ANO10: variants seen among roughly 807,000 people sequenced by gnomAD.
The protein encoded by ANO10 is anoctamin-10.
Under a neutral mutation model 74.7 loss-of-function variants are expected in ANO10, and 77 were observed. The observed-to-expected ratio is 1.03, with a 90% confidence interval of 0.86 to 1.25. ANO10 has a LOEUF of 1.25. Ranked by LOEUF, ANO10 falls within the 50% of genes most tolerant of loss-of-function variation. The pLI, the probability that ANO10 is intolerant of heterozygous loss-of-function variation, is 0.00. For missense variants in ANO10, 721 were observed against 778.1 expected, an observed-to-expected ratio of 0.93 and a Z score of 0.87; for synonymous variants, 279 against 284.9, an observed-to-expected ratio of 0.98 and a Z score of 0.21.
chr3:43,656,843 C>T (rs2083860971), intron 1 of ANO10, among the ~76,000 whole-genome samples: 1 of 152,244 alleles, frequency 6.6e-6, no homozygotes, highest in South Asian at 2.1e-4. Context: ...GGAGTGGGCT[C>T]CGGCCTTGGC....
At chr3:43,632,136 G>T (rs551757516) in intron 1 of ANO10, among the ~76,000 whole-genome samples, 4 of 151,884 alleles carry the variant, frequency 2.6e-5, no homozygotes, top group African/African-American at 9.7e-5. Context: ...ATATGATACA[G>T]AGTTCAGTAC....
intron 12 of ANO10, among the ~76,000 whole-genome samples, chr3:43,394,435 AC>A (rs1470694161): frequency 4.6e-5 from 7 of 151,974 alleles, no homozygotes; most frequent in Non-Finnish European, 1.0e-4. Context: ...TCACCTCTTG[AC>A]CCTAAGCCTC....
intron 4 of ANO10, among the ~76,000 whole-genome samples, chr3:43,582,928 T>A (rs574012456): frequency 6.6e-6 from 1 of 152,362 alleles, no homozygotes; most frequent in Admixed American, 6.5e-5. Context: ...TATTTGGGGA[T>A]GTACAGGCTA....
intron 12 of ANO10, among the ~76,000 whole-genome samples, chr3:43,402,618 C>A (rs1358931129): frequency 6.6e-6 from 1 of 152,068 alleles, no homozygotes; most frequent in Non-Finnish European, 1.5e-5. Context: ...GAATCCTGGT[C>A]TTTTCCCAGG....
intron 1 of ANO10, among the ~76,000 whole-genome samples, chr3:43,614,331 C>T (rs1289580780): frequency 6.6e-6 from 1 of 152,130 alleles, no homozygotes; most frequent in African/African-American, 2.4e-5. Context: ...ATTTGAGATA[C>T]TTTATGCCTT....
chr3:43,502,008 A>G (rs541377872), intron 11 of ANO10, among the ~76,000 whole-genome samples: 18 of 152,238 alleles, frequency 1.2e-4, no homozygotes, highest in Non-Finnish European at 2.5e-4. Flanking sequence ...ACCAGAAAAT[A>G]ACAAGTGTTG....
At chr3:43,680,640 CA>C (rs1186206412) in intron 1 of ANO10, among the ~76,000 whole-genome samples, 1 of 152,062 alleles carries the variant, frequency 6.6e-6, no homozygotes, top group Non-Finnish European at 1.5e-5. Flanking sequence ...TCACATTCAC[CA>C]AAGTCGAAAT....
At chr3:43,653,769 C>G (rs2096317467) in intron 1 of ANO10, among the ~76,000 whole-genome samples, 2 of 152,174 alleles carry the variant, frequency 1.3e-5, no homozygotes, top group African/African-American at 4.8e-5. Context: ...CATCTGTTCT[C>G]TCTTTCCGCA....
At chr3:43,612,656 A>G (rs2082886402) in intron 1 of ANO10, among the ~76,000 whole-genome samples, 2 of 152,250 alleles carry the variant, frequency 1.3e-5, no homozygotes, top group African/African-American at 2.4e-5. Context: ...TAATGACTCC[A>G]AAGTATAAAG....
rs114515292 is a variant in ANO10 at position 43,554,976 on chromosome 3, A to G, written c.1668+302T>C. 7.7e-3 allele frequency among the ~76,000 whole-genome samples: 1,175 copies of G among 152,328 alleles called. 12 individuals carry two copies. The highest frequency in any genetic ancestry group is 0.024 in the African/African-American group (1,006 of 41,560). On this transcript the variant is annotated intron_variant, in intron 10 of 12. Coordinates refer to ENST00000292246, the MANE Select transcript of ANO10 (RefSeq NM_018075.5). Reference sequence around the variant, plus strand: ...CTGACACTGTAGCAGAGAGGGTCTCATTAATACTGGCTGAGATGAAGTCTT... The same window carrying G: ...CTGACACTGTAGCAGAGAGGGTCTCGTTAATACTGGCTGAGATGAAGTCTT...
chr3:43,519,378 T>C (rs1432983247), intron 11 of ANO10, among the ~76,000 whole-genome samples: 1 of 152,158 alleles, frequency 6.6e-6, no homozygotes, highest in Non-Finnish European at 1.5e-5. Flanking sequence ...TACTTCTTTT[T>C]CAATTGAGAA....
intron 11 of ANO10, among the ~76,000 whole-genome samples, chr3:43,489,992 T>C (rs1201455940): frequency 1.3e-5 from 2 of 152,228 alleles, no homozygotes; most frequent in African/African-American, 2.4e-5. Context: ...TGTAACAGTA[T>C]CCTTTGCATC....
At chr3:43,456,768 G>T (rs4682687) in intron 11 of ANO10, among the ~76,000 whole-genome samples, 1 of 152,218 alleles carries the variant, frequency 6.6e-6, no homozygotes, top group Admixed American at 6.5e-5. Context: ...AATTACAAAG[G>T]TGTCTGCGAC....
At chr3:43,492,869 G>T (rs566386032) in intron 11 of ANO10, among the ~76,000 whole-genome samples, 1 of 152,304 alleles carries the variant, frequency 6.6e-6, no homozygotes, top group African/African-American at 2.4e-5. Flanking sequence ...CATTGTGGAA[G>T]ACAGTGTGGC....
chr3:43,656,505 G>A (rs976742542), intron 1 of ANO10, among the ~76,000 whole-genome samples: 14 of 152,192 alleles, frequency 9.2e-5, no homozygotes, highest in Admixed American at 7.9e-4. Context: ...GGCTCGGGCC[G>A]CACAGGAGCC....
intron 1 of ANO10, among the ~76,000 whole-genome samples, chr3:43,644,996 C>G (rs2083711450): frequency 6.6e-6 from 1 of 152,214 alleles, no homozygotes; most frequent in Non-Finnish European, 1.5e-5. Flanking sequence ...ATCACAAATA[C>G]ATACCAATCC....
chr3:43,549,006 T>G (rs1369451706), intron 11 of ANO10, among the ~76,000 whole-genome samples: 1 of 152,230 alleles, frequency 6.6e-6, no homozygotes, highest in African/African-American at 2.4e-5. Context: ...TAAGTCATTA[T>G]CAAAAAGTGT....
In ANO10 at chr3:43,600,408, T is replaced by G; in HGVS notation, c.313A>C (p.Arg105=). 6.2e-7 allele frequency: 1 copy of G among 1,614,100 alleles called. No homozygotes were observed. Among genetic ancestry groups the G allele is most frequent in the Non-Finnish European group, 8.5e-7 (1 of 1,179,972 alleles). ...NTMRAFTYRT[R]QNFKGFDDNN... Reference sequence around the variant, plus strand: ...CCATCAAAACCTTTGAAGTTCTGTCTGGTTCTGTATGTGAAGGCTCTCATG... The same window carrying G: ...CCATCAAAACCTTTGAAGTTCTGTCGGGTTCTGTATGTGAAGGCTCTCATG... Residue 105 remains arginine, a synonymous_variant, in exon 3 of 13, where the codon AGA becomes CGA. Coordinates refer to ENST00000292246, the MANE Select transcript of ANO10 (RefSeq NM_018075.5).
At chr3:43,382,122 C>T (rs1191887765) in intron 12 of ANO10, among the ~76,000 whole-genome samples, 3 of 152,208 alleles carry the variant, frequency 2.0e-5, no homozygotes, top group African/African-American at 7.2e-5. Flanking sequence ...TAAATGCCTA[C>T]GTCACAAAGT....
Sources: gnomAD v4.1 joint callset for allele counts (sites outside exome capture counted in the v4.1 genomes callset) on GRCh38, gnomAD v4.1.1 for gene constraint, MANE v1.5 for transcripts, NCBI Gene and HGNC (gene_info 2026-07-23, HGNC 2026-07-21) for gene names.